The following ASXL1 variants were observed in gnomAD, a reference collection of about 807,000 sequenced individuals.
ASXL1 encodes polycomb group protein ASXL1.
A neutral mutation model predicts 89.1 loss-of-function variants in ASXL1; 65 were observed. That is an observed-to-expected ratio of 0.73 (90% CI 0.60 to 0.90). ASXL1 has a LOEUF of 0.90. Ranked by LOEUF, ASXL1 falls within the 40% of genes least tolerant of loss-of-function variation. ASXL1 has a pLI of 0.00. For synonymous variants in ASXL1, 739 were observed against 746.9 expected (o/e 0.99, Z 0.17); for missense variants, 1,786 against 1,942.9 (o/e 0.92, Z 1.52).
At chr20:32,394,983 G>A (rs370082900) in intron 4 of ASXL1, among the ~76,000 whole-genome samples, 1 of 152,132 alleles carries the variant, frequency 6.6e-6, no homozygotes, top group East Asian at 1.9e-4. Context: ...CAAAGTGCTG[G>A]GATTACAGGC....
intron 4 of ASXL1, among the ~76,000 whole-genome samples, chr20:32,382,624 A>C (rs1465934711): frequency 1.3e-5 from 2 of 151,044 alleles, no homozygotes; most frequent in Non-Finnish European, 3.0e-5. Context: ...AAAAAAAAAA[A>C]AAACAAAACC....
chr20:32,366,491 C>G (rs766641615), intron 2 of ASXL1, 25 bp downstream of exon 2: 1 of 1,613,148 alleles, frequency 6.2e-7, no homozygotes, highest in South Asian at 1.1e-5. Flanking sequence ...TGTTGCTTAA[C>G]ATGAGGGTTT....
intron 8 of ASXL1, chr20:32,430,650 T>C (rs1226968490): frequency 8.7e-6 from 2 of 231,100 alleles, no homozygotes; most frequent in Non-Finnish European, 1.7e-5. Context: ...TTTTTGTAGA[T>C]GAAACCATTA....
chr20:32,392,526 C>T (rs959066303), intron 4 of ASXL1, among the ~76,000 whole-genome samples: 7 of 146,636 alleles, frequency 4.8e-5, no homozygotes, highest in South Asian at 2.1e-4. Context: ...GTGATCTGCC[C>T]GCCTCGGCCT....
At chr20:32,406,273 C>T (rs1249203761) in intron 4 of ASXL1, among the ~76,000 whole-genome samples, 1 of 151,930 alleles carries the variant, frequency 6.6e-6, no homozygotes, top group African/African-American at 2.4e-5. Context: ...CTGGGCTGGG[C>T]GCAGTGGCTT....
rs2011699959 is a variant in ASXL1 at position 32,434,834 on chromosome 20, CA to C, written c.2123del (p.Gln708ArgfsTer17). On this transcript the variant is annotated frameshift_variant, in exon 13 of 13. Transcript: ENST00000375687. LOFTEE classifies it low-confidence loss of function (END_TRUNC). Reference protein sequence around the residue: ...PPYPLNGEHTQAGTAMSRARR... With the variant: ...PPYPLNGEHTXAGTAMSRARR... ...TTATCCTCTAAATGGGGAGCATACCCAGGCCGGAACTGCCATGTCCAGAGCT... is the reference window on the plus strand; with the variant it reads ...TTATCCTCTAAATGGGGAGCATACCCGGCCGGAACTGCCATGTCCAGAGCT... 6.2e-7 allele frequency: 1 copy of C among 1,614,032 alleles called. No individual in the cohort carries two copies. Among genetic ancestry groups the C allele is most frequent in the Admixed American group, 1.7e-5 (1 of 60,010 alleles).
chr20:32,382,259 G>A (rs1158077573), intron 4 of ASXL1, among the ~76,000 whole-genome samples: 2 of 152,040 alleles, frequency 1.3e-5, no homozygotes, highest in African/African-American at 2.4e-5. Context: ...ACAGGTGTGA[G>A]CCAGCGCACC....
intron 4 of ASXL1, among the ~76,000 whole-genome samples, chr20:32,399,629 T>C (rs186388586): frequency 3.3e-5 from 5 of 152,052 alleles, no homozygotes; most frequent in Non-Finnish European, 1.5e-5. Context: ...AGTTTTTGTT[T>C]TAACCTGTGT....
intron 4 of ASXL1, among the ~76,000 whole-genome samples, chr20:32,413,981 G>T (rs1158153822): frequency 1.3e-5 from 2 of 152,064 alleles, no homozygotes; most frequent in Non-Finnish European, 1.5e-5. Context: ...TTGTTGGTTG[G>T]GCTCAGAATT....
intron 4 of ASXL1, among the ~76,000 whole-genome samples, chr20:32,382,885 T>C (rs1479249700): frequency 1.3e-5 from 2 of 152,198 alleles, no homozygotes; most frequent in East Asian, 3.8e-4. Context: ...TATATGTGAT[T>C]TTTAATGCTT....
chr20:32,409,478 C>G (rs1224887772), intron 4 of ASXL1, among the ~76,000 whole-genome samples: 1 of 152,248 alleles, frequency 6.6e-6, no homozygotes, highest in East Asian at 1.9e-4. Flanking sequence ...GCCCCCTAAC[C>G]TCTAAATAGT....
At chr20:32,388,229 C>T (rs73105761) in intron 4 of ASXL1, among the ~76,000 whole-genome samples, 7,674 of 152,218 alleles carry the variant, frequency 0.05, 236 homozygotes, top group Non-Finnish European at 0.072. Context: ...AGCTGGAATG[C>T]GGTGGCTTGA....
intron 4 of ASXL1, among the ~76,000 whole-genome samples, chr20:32,400,175 T>C (rs2048848526): frequency 6.6e-6 from 1 of 152,212 alleles, no homozygotes; most frequent in East Asian, 1.9e-4. Flanking sequence ...TATAATGTCC[T>C]TGTGTACTCA....
At chr20:32,431,275 T>C (rs1348495829) in intron 8 of ASXL1, 46 bp from the exon 9 acceptor site, 2 of 1,613,764 alleles carry the variant, frequency 1.2e-6, no homozygotes, top group African/African-American at 1.3e-5. Context: ...GCATTTGTTT[T>C]TTCTTTTAAA....
chr20:32,433,584 CAG>C lies in ASXL1; in HGVS notation c.1387_1388del (p.His465SerfsTer19). 1 of 1,614,156 alleles carries C rather than the reference CAG, an allele frequency of 6.2e-7. No individual in the cohort carries two copies. ...CTAAGACTGACCCAGCAGGGCTGAGCAGTCCCCATCTGCCAGGCACATCCTCT... is the reference window on the plus strand; with the variant it reads ...CTAAGACTGACCCAGCAGGGCTGAGCTCCCCATCTGCCAGGCACATCCTCT... ...EAKTDPAGLSSPHLPGTSSAA... is the reference protein window; with the variant it reads ...EAKTDPAGLSXPHLPGTSSAA... On this transcript the variant is annotated frameshift_variant, in exon 12 of 13. Coordinates refer to ENST00000375687, the MANE Select transcript of ASXL1 (RefSeq NM_015338.6). LOFTEE classifies it high-confidence loss of function.
chr20:32,383,934 C>T (rs1445817085), intron 4 of ASXL1, among the ~76,000 whole-genome samples: 1 of 152,188 alleles, frequency 6.6e-6, no homozygotes, highest in Non-Finnish European at 1.5e-5. Context: ...TTTCCTCCAT[C>T]CCAGAGCTCT....
chr20:32,436,441 G>C lies in ASXL1; in HGVS notation c.3729G>C (p.Gln1243His). The change falls in exon 13 of 13, where the codon CAG (glutamine) becomes CAC (histidine). Residue 1243 changes from glutamine to histidine, a missense_variant. This residue lies in a region of ASXL1 where 1,418 missense variants were observed against 1,427.8 expected (regional missense o/e 0.99). Coordinates refer to ENST00000375687, the MANE Select transcript of ASXL1 (RefSeq NM_015338.6). ...EQFSSFSCED[Q>H]KEVRAMSQDS... Reference sequence around the variant, plus strand: ...TCTCTTCCTTTAGTTGTGAAGATCAGAAGGAAGTCCGTGCTATGTCACAGG... The same window carrying C: ...TCTCTTCCTTTAGTTGTGAAGATCACAAGGAAGTCCGTGCTATGTCACAGG... 6.2e-7 allele frequency: 1 copy of C among 1,614,066 alleles called. No homozygotes were observed. The highest frequency in any genetic ancestry group is 2.2e-5 in the East Asian group (1 of 44,886).
At chr20:32,382,608 C>CAAAAAAAAAA in intron 4 of ASXL1, among the ~76,000 whole-genome samples, 1 of 96,010 alleles carries the variant, frequency 1.0e-5, no homozygotes, top group Non-Finnish European at 2.0e-5. Context: ...CTCGTCTCTA[C>CAAAAAAAAAA]AAAAAAAAAA....
intron 4 of ASXL1, among the ~76,000 whole-genome samples, chr20:32,406,384 T>TG (rs1401883177): frequency 3.3e-5 from 5 of 150,496 alleles, no homozygotes; most frequent in African/African-American, 9.8e-5. Flanking sequence ...CCCATCTATA[T>TG]GGGGAAAAAA....
Sources: allele counts gnomAD v4.1 joint callset (sites outside exome capture counted in the v4.1 genomes callset), GRCh38; gene constraint gnomAD v4.1.1; regional missense constraint gnomAD v4.1.1; transcripts MANE v1.5; gene names NCBI Gene and HGNC (gene_info 2026-07-23, HGNC 2026-07-21).